MYO6: variants seen among roughly 807,000 people sequenced by gnomAD.
MYO6 encodes myosin VI, also known as unconventional myosin-VI.
A neutral mutation model predicts 178.7 loss-of-function variants in MYO6; 74 were observed. That is an observed-to-expected ratio of 0.41 (90% CI 0.34 to 0.50). The LOEUF (loss-of-function observed/expected upper bound fraction) is 0.50. Ranked by LOEUF, MYO6 falls within the 20% of genes least tolerant of loss-of-function variation. The pLI is 0.09. For synonymous variants in MYO6, 477 were observed against 504.6 expected (o/e 0.95, Z 0.73); for missense variants, 1,330 against 1,547.4 (o/e 0.86, Z 2.36).
chr6:75,772,032 A>T (rs759781725), intron 1 of MYO6, among the ~76,000 whole-genome samples: 5 of 152,232 alleles, frequency 3.3e-5, no homozygotes, highest in Non-Finnish European at 5.9e-5. Flanking sequence ...AAAATTATTA[A>T]AATGGTACAC....
At chr6:75,843,898 A>T (rs900892145) in intron 9 of MYO6, among the ~76,000 whole-genome samples, 6 of 151,940 alleles carry the variant, frequency 3.9e-5, no homozygotes, top group African/African-American at 7.2e-5. Context: ...TTTTTATAAA[A>T]TTTTTTTTGG....
At chr6:75,755,034 C>T (rs1204278158) in intron 1 of MYO6, among the ~76,000 whole-genome samples, 1 of 152,026 alleles carries the variant, frequency 6.6e-6, no homozygotes, top group Non-Finnish European at 1.5e-5. Flanking sequence ...AGTTTGAGAA[C>T]AGCCTGGGCA....
chr6:75,892,640 T>C lies in MYO6; in HGVS notation c.3057T>C (p.Ser1019=). 6.2e-7 allele frequency: 1 copy of C among 1,612,872 alleles called. No homozygotes were observed. Among genetic ancestry groups the C allele is most frequent in the Non-Finnish European group, 8.5e-7 (1 of 1,179,984 alleles). Residue 1019 remains serine, a synonymous_variant, in exon 28 of 35, where the codon AGT becomes AGC. Coordinates refer to ENST00000369977, the MANE Select transcript of MYO6 (RefSeq NM_004999.4). Reference sequence around the variant, plus strand: ...AGCTGGCCCTGAGGATTGCCCAGAGTGAAGCCGAGCTCATCAGTGATGAGG... The same window carrying C: ...AGCTGGCCCTGAGGATTGCCCAGAGCGAAGCCGAGCTCATCAGTGATGAGG... ...DRELALRIAQ[S]EAELISDEAQ... is the part of the protein sequence containing the mutation.
At chr6:75,853,006 A>G (rs1775415013) in intron 11 of MYO6, among the ~76,000 whole-genome samples, 1 of 152,104 alleles carries the variant, frequency 6.6e-6, no homozygotes, top group Non-Finnish European at 1.5e-5. Context: ...CCTCACCAGT[A>G]CTATGTGTAT....
In MYO6 at chr6:75,799,981, A is replaced by G. The variant is rs554138863; in HGVS notation, c.-47-17520A>G. 2.0e-5 allele frequency among the ~76,000 whole-genome samples: 3 copies of G among 152,190 alleles called. No individual in the cohort carries two copies. The East Asian group carries it at 5.8e-4, about 29-fold the overall frequency. ...TAACTTTAAGACTTTAGGAGTTTCT[A>G]GGATCTTATTTCTATGTGTGGTTTA... On this transcript the variant is annotated intron_variant, in intron 1 of 34. Transcript: ENST00000369977.
intron 23 of MYO6, among the ~76,000 whole-genome samples, chr6:75,882,039 A>C (rs535895359): frequency 6.6e-6 from 1 of 152,132 alleles, no homozygotes; most frequent in East Asian, 1.9e-4. Flanking sequence ...TCAGTTTCAT[A>C]GTGTCCTAAC....
rs756460203 is a variant in MYO6, at chr6:75,832,822, A to G, written c.392-20A>G. 18 of 1,445,258 alleles carry G rather than the reference A, an allele frequency of 1.2e-5. No homozygotes were observed. The highest frequency in any genetic ancestry group is 9.1e-5 in the East Asian group (4 of 44,054). The allele number at this position is 1,445,258 out of a possible 1,614,324, so 89.5% of individuals were successfully genotyped here. On this transcript the variant is annotated intron_variant, in intron 5 of 34. Coordinates refer to ENST00000369977, the MANE Select transcript of MYO6 (RefSeq NM_004999.4). Reference sequence around the variant, plus strand: ...ATATTTAATATATTGCTCATCATTAATGTCTTATTTTGACCCTAGCTGATA... The same window carrying G: ...ATATTTAATATATTGCTCATCATTAGTGTCTTATTTTGACCCTAGCTGATA...
chr6:75,769,063 G>A (rs934427069), intron 1 of MYO6, among the ~76,000 whole-genome samples: 1 of 152,116 alleles, frequency 6.6e-6, no homozygotes, highest in Non-Finnish European at 1.5e-5. Flanking sequence ...AACTCAGAGC[G>A]AGCACTCACT....
chr6:75,787,688 C>A lies in MYO6; in HGVS notation c.-47-29813C>A, dbSNP rs1348922737. Among the ~76,000 whole-genome samples, 11 of 20,992 alleles carry A rather than the reference C, an allele frequency of 5.2e-4. No individual in the cohort carries two copies. In the East Asian group the frequency reaches 0.011, roughly 22 times the overall value. 13.8% of individuals were successfully genotyped at this position (20,992 alleles called of 152,430 possible). ...GGGAATGGAACTATTCTCTCTCTCT[C>A]TCTCTCTCTCTCTCTCTCTCTCTCT... On this transcript the variant is annotated intron_variant, in intron 1 of 34. Transcript: ENST00000369977.
At position 75,914,122 on chromosome 6, in the gene MYO6, C is replaced by T. The variant is rs761884051; in HGVS notation, c.3499C>T (p.Gln1167Ter). The T allele has an allele frequency of 1.2e-6, 2 of 1,614,144 alleles. No homozygotes were observed. Among genetic ancestry groups the T allele is most frequent in the South Asian group, 2.2e-5 (2 of 91,082 alleles). ...ARQREIEMNR[Q>*]QRFFRIPFIR... ...GCAGCGGGAGATTGAAATGAACCGA[C>T]AGCAACGCTTCTTCCGCATCCCATT... The change falls in exon 34 of 35, where the codon CAG (glutamine) becomes TAG (stop). Residue 1167 changes from glutamine (Q) to a stop codon, truncating the protein, a stop_gained. Transcript: ENST00000369977. LOFTEE classifies it high-confidence loss of function.
chr6:75,898,385 C>T lies in MYO6; in HGVS notation c.3150C>T (p.Ala1050=). Residue 1050 remains alanine (A), a synonymous_variant, in exon 30 of 35, where the codon GCC becomes GCT. Coordinates refer to ENST00000369977, the MANE Select transcript of MYO6 (RefSeq NM_004999.4). ...TRPKMTPEQM[A]KEMSEFLSRG... The stretch of plus-strand genomic sequence containing the variant: ...GTTTTTCTTGTAGGGAACAAATGGC[C>T]AAAGAAATGTCAGAATTTTTGAGTA... 1 of 1,609,550 alleles carries T rather than the reference C, an allele frequency of 6.2e-7. No homozygotes were observed. Among genetic ancestry groups the T allele is most frequent in the Middle Eastern group, 1.7e-4 (1 of 6,046 alleles).
chr6:75,890,596 C>T (rs796681678), intron 26 of MYO6, among the ~76,000 whole-genome samples: 25 of 152,244 alleles, frequency 1.6e-4, no homozygotes, highest in African/African-American at 4.3e-4. Flanking sequence ...CCACCCGCCT[C>T]GGCCTCCCAA....
rs1453380343 is a variant in MYO6, at chr6:75,756,947, A to ATG, written c.-48+7528_-48+7529dup. 3.9e-4 allele frequency among the ~76,000 whole-genome samples: 32 copies of ATG among 81,946 alleles called. 1 individual carries two copies. The highest frequency in any genetic ancestry group is 1.2e-3 in the African/African-American group (29 of 24,414). The allele number at this position is 81,946 out of a possible 152,430, so 53.8% of individuals were successfully genotyped here. On this transcript the variant is annotated intron_variant, in intron 1 of 34. Coordinates refer to ENST00000369977, the MANE Select transcript of MYO6 (RefSeq NM_004999.4). ...TACACACCATATATAGTGTGTATAT[A>ATG]TGTGTATATATGTATACACACATAT...
At chr6:75,843,785 A>T (rs76916580) in intron 9 of MYO6, among the ~76,000 whole-genome samples, 2,645 of 151,814 alleles carry the variant, frequency 0.017, 69 homozygotes, top group African/African-American at 0.06. Flanking sequence ...CCATGTATAT[A>T]GTTGTCTTGT....
intron 1 of MYO6, among the ~76,000 whole-genome samples, chr6:75,764,156 C>T (rs1471121529): frequency 6.6e-6 from 1 of 152,166 alleles, no homozygotes; most frequent in Non-Finnish European, 1.5e-5. Flanking sequence ...AGTGATCCTC[C>T]ACCTCAGCTT....
intron 1 of MYO6, among the ~76,000 whole-genome samples, chr6:75,792,526 C>T (rs1369290086): frequency 6.6e-6 from 1 of 152,126 alleles, no homozygotes; most frequent in Non-Finnish European, 1.5e-5. Context: ...GGTAGAGCTT[C>T]TTTGACGTTT....
Position 75,916,489 on chromosome 6 carries a change from A to C in MYO6, c.*1477A>C, listed in dbSNP as rs1398371455. ...GTTGTGTCTGTGCTATTGAGAATGC[A>C]AATGTGATTATCTTTTGAAGGCTGT... On this transcript the variant is annotated 3_prime_UTR_variant, in exon 35 of 35. Transcript: ENST00000369977. 1 of 152,644 alleles carries C rather than the reference A, an allele frequency of 6.6e-6. No individual in the cohort carries two copies. Among genetic ancestry groups the C allele is most frequent in the South Asian group, 2.1e-4 (1 of 4,832 alleles). 9.5% of individuals were successfully genotyped at this position (152,644 alleles called of 1,614,324 possible). A position where few individuals can be genotyped will look rare whatever the true frequency, so the allele number is the denominator to read the frequency against.
In MYO6 at chr6:75,879,714, T is replaced by C. The variant is rs907918421; in HGVS notation, c.2078-106T>C. 9 of 1,495,862 alleles carry C rather than the reference T, an allele frequency of 6.0e-6. No homozygotes were observed. In the African/African-American group the frequency reaches 1.2e-4, roughly 21 times the overall value. 92.7% of individuals were successfully genotyped at this position (1,495,862 alleles called of 1,614,324 possible). A position where few individuals can be genotyped will look rare whatever the true frequency, so the allele number is the denominator to read the frequency against. On this transcript the variant is annotated intron_variant, in intron 20 of 34. Transcript: ENST00000369977. Reference sequence around the variant, plus strand: ...AATATTTAGTTGCTGATAATTCTCATAAATTGCCCGTTTCTAAACAGTATC... The same window carrying C: ...AATATTTAGTTGCTGATAATTCTCACAAATTGCCCGTTTCTAAACAGTATC...
At chr6:75,856,588 A>G (rs760017970) in intron 12 of MYO6, among the ~76,000 whole-genome samples, 1 of 151,366 alleles carries the variant, frequency 6.6e-6, no homozygotes, top group Non-Finnish European at 1.5e-5. Context: ...TCTTCATCAG[A>G]CTATCATTTT....
Sources: gnomAD v4.1 joint callset for allele counts (sites outside exome capture counted in the v4.1 genomes callset) on GRCh38, gnomAD v4.1.1 for gene constraint, MANE v1.5 for transcripts, NCBI Gene and HGNC (gene_info 2026-07-23, HGNC 2026-07-21) for gene names.